IQCK: variants seen among roughly 807,000 people sequenced by gnomAD.
IQCK encodes IQ domain-containing protein K.
In IQCK, 29 loss-of-function variants were observed where a neutral mutation model predicts 28.1. That is an observed-to-expected ratio of 1.03 (90% CI 0.77 to 1.41). IQCK has a LOEUF of 1.41. IQCK is among the 40% of genes most tolerant of loss of function. IQCK has a pLI of 0.00. For missense variants in IQCK, 359 were observed against 314.7 expected, an observed-to-expected ratio of 1.14 and a Z score of -1.07; for synonymous variants, 113 against 115.1, an observed-to-expected ratio of 0.98 and a Z score of 0.12.
chr16:19,769,568 A>T (rs1465847489), intron 6 of IQCK, among the ~76,000 whole-genome samples: 7 of 152,240 alleles, frequency 4.6e-5, no homozygotes, highest in South Asian at 4.1e-4. Flanking sequence ...CAGCATCGCT[A>T]GCTCCTGGAG....
intron 6 of IQCK, among the ~76,000 whole-genome samples, chr16:19,770,105 A>AG (rs2055298997): frequency 6.6e-6 from 1 of 152,214 alleles, no homozygotes; most frequent in African/African-American, 2.4e-5. Flanking sequence ...GCTTACAAGT[A>AG]GGATATGAAG....
chr16:19,826,598 G>T (rs1033070907), intron 7 of IQCK, among the ~76,000 whole-genome samples: 1 of 152,150 alleles, frequency 6.6e-6, no homozygotes, highest in East Asian at 1.9e-4. Flanking sequence ...GGCTGGTCTC[G>T]AACTCCTGAC....
At chr16:19,785,602 GCCGAGTCTTTGTTTGCATAGAAGT>G (rs1383638234) in intron 6 of IQCK, among the ~76,000 whole-genome samples, 1 of 152,184 alleles carries the variant, frequency 6.6e-6, no homozygotes, top group Non-Finnish European at 1.5e-5. Context: ...CTGATTGCGG[GCCGAGTCTTTGTTTGCATAGAAGT>G]CTTTGTTTGC....
At chr16:19,832,922 C>T (rs149459627) in intron 9 of IQCK, among the ~76,000 whole-genome samples, 2 of 152,206 alleles carry the variant, frequency 1.3e-5, no homozygotes, top group African/African-American at 2.4e-5. Context: ...GGGGAAACCT[C>T]CCCCATGATC....
chr16:19,756,059 CT>C (rs1472377444), intron 4 of IQCK, among the ~76,000 whole-genome samples: 8 of 152,166 alleles, frequency 5.3e-5, no homozygotes, highest in African/African-American at 1.9e-4. Flanking sequence ...TGTTGCATAC[CT>C]GTAGTCCCAG....
rs71146277 is a variant in IQCK, at chr16:19,852,407, TAACA to T, written c.803-4055_803-4052del. ...CAAAGCGAGACCTCTCTACAACATT[TAACA>T]AACAAACAAACAAACAAACAAACAG... is the stretch of plus-strand genomic sequence containing the variant. On this transcript the variant is annotated intron_variant, in intron 9 of 9. Coordinates refer to the IQCK transcript ENST00000320394. Among the ~76,000 whole-genome samples the T allele has an allele frequency of 4.7e-3, 713 of 151,542 alleles. 3 individuals carry two copies. Among genetic ancestry groups the T allele is most frequent in the African/African-American group, 7.1e-3 (295 of 41,358 alleles).
At chr16:19,786,334 GC>G (rs1409272362) in intron 6 of IQCK, among the ~76,000 whole-genome samples, 1 of 151,606 alleles carries the variant, frequency 6.6e-6, no homozygotes, top group African/African-American at 2.4e-5. Flanking sequence ...TGGGAGGATT[GC>G]TTGAGGCCAA....
chr16:19,847,420 A>G (rs1174690547), intron 9 of IQCK, among the ~76,000 whole-genome samples: 1 of 152,114 alleles, frequency 6.6e-6, no homozygotes, highest in Non-Finnish European at 1.5e-5. Flanking sequence ...AATCCAACCC[A>G]ACCACCGCCT....
chr16:19,782,865 T>C (rs1197135923), intron 6 of IQCK, among the ~76,000 whole-genome samples: 2 of 152,224 alleles, frequency 1.3e-5, no homozygotes, highest in Non-Finnish European at 2.9e-5. Flanking sequence ...TCTTTCACTT[T>C]GCATCTAAAA....
At position 19,799,597 on chromosome 16, in the gene IQCK, T is replaced by TACACACACAC. The variant is rs529119301; in HGVS notation, c.690+10710_690+10719dup. ...ATATTTTATTTTATATATATATATA[T>TACACACACAC]ACACACACACACACACACACACACA... On this transcript the variant is annotated intron_variant, in intron 7 of 7. Coordinates refer to ENST00000564186, the Ensembl canonical transcript of IQCK. Among the ~76,000 whole-genome samples the TACACACACAC allele has an allele frequency of 7.2e-4, 80 of 111,680 alleles. 6 individuals carry two copies. Among genetic ancestry groups the TACACACACAC allele is most frequent in the African/African-American group, 3.9e-3 (75 of 19,110 alleles). 73.3% of individuals were successfully genotyped at this position (111,680 alleles called of 152,430 possible).
chr16:19,759,126 AG>A (rs1597527523), intron 4 of IQCK, among the ~76,000 whole-genome samples: 1 of 152,294 alleles, frequency 6.6e-6, no homozygotes, highest in Non-Finnish European at 1.5e-5. Flanking sequence ...GATGCTTGAG[AG>A]TTGAATGGTG....
chr16:19,777,897 G>A (rs1162282721), intron 6 of IQCK, among the ~76,000 whole-genome samples: 1 of 152,066 alleles, frequency 6.6e-6, no homozygotes, highest in Non-Finnish European at 1.5e-5. Flanking sequence ...CTAAAAAAAT[G>A]CAAAAATTAG....
At chr16:19,781,285 A>T (rs978737801) in intron 6 of IQCK, among the ~76,000 whole-genome samples, 5 of 152,206 alleles carry the variant, frequency 3.3e-5, no homozygotes, top group African/African-American at 1.2e-4. Context: ...TCTGAAACCC[A>T]CATGGGAGCA....
chr16:19,851,878 C>T (rs1440427414), intron 9 of IQCK, among the ~76,000 whole-genome samples: 1 of 152,186 alleles, frequency 6.6e-6, no homozygotes, highest in Non-Finnish European at 1.5e-5. Flanking sequence ...CCCTTTTCCT[C>T]CCTCCGCTGA....
At chr16:19,785,853 C>T (rs931528595) in intron 6 of IQCK, among the ~76,000 whole-genome samples, 7 of 152,176 alleles carry the variant, frequency 4.6e-5, no homozygotes, top group South Asian at 2.1e-4. Context: ...TTTGTCCTTT[C>T]GTTTTCAATA....
At chr16:19,856,444 C>A in intron 9 of IQCK, 43 bp from the exon 9 acceptor site, 1 of 1,542,124 alleles carries the variant, frequency 6.5e-7, no homozygotes, top group Non-Finnish European at 9.0e-7. Context: ...AGCCTGTCTA[C>A]GTATGTAAAT....
chr16:19,855,973 C>T (rs1304407270), intron 9 of IQCK, among the ~76,000 whole-genome samples: 1 of 152,162 alleles, frequency 6.6e-6, no homozygotes, highest in African/African-American at 2.4e-5. Context: ...GAGCCATACC[C>T]TGTATGGAGC....
chr16:19,824,687 C>G (rs1597591549), intron 7 of IQCK, among the ~76,000 whole-genome samples: 1 of 152,324 alleles, frequency 6.6e-6, no homozygotes, highest in South Asian at 2.1e-4. Flanking sequence ...TAAAATCACT[C>G]CCTTCCAGTC....
rs1174128082 is a variant in IQCK at position 19,726,061 on chromosome 16, G to A, written c.182-4369G>A. 3.3e-5 allele frequency among the ~76,000 whole-genome samples: 5 copies of A among 151,950 alleles called. No individual in the cohort carries two copies. In the South Asian group the frequency reaches 6.2e-4, roughly 19 times the overall value. ...CTCCCAAGTAGCTGGGACTACAGGC[G>A]CCCGCCACCACTCCCGGCTAAGTTT... On this transcript the variant is annotated intron_variant, in intron 1 of 7. Transcript: ENST00000564186.
Sources: gnomAD v4.1 joint callset for allele counts (sites outside exome capture counted in the v4.1 genomes callset) on GRCh38, gnomAD v4.1.1 for gene constraint, MANE v1.5 for transcripts, NCBI Gene and HGNC (gene_info 2026-07-23, HGNC 2026-07-21) for gene names.